Variants in DENND2B observed in about 807,000 individuals in gnomAD.
DENND2B encodes the protein DENN domain containing 2B.
Under a neutral mutation model 116.0 loss-of-function variants are expected in DENND2B, and 32 were observed. The ratio of observed to expected loss-of-function variants is 0.28; its 90% CI spans 0.21 to 0.37. The LOEUF is 0.37. DENND2B is among the 10% of genes least tolerant of loss of function. DENND2B has a pLI of 1.00. For synonymous variants in DENND2B, 588 were observed against 583.9 expected (o/e 1.01, Z -0.10); for missense variants, 1,276 against 1,477.7 (o/e 0.86, Z 2.24).
In DENND2B at chr11:8,711,185, T is replaced by C. The variant is rs771296138; in HGVS notation, c.2219A>G (p.Lys740Arg). Residue 740 changes from lysine to arginine, a missense_variant, in exon 10 of 20, where the codon AAA becomes AGA. Physicochemically the swap from Lys to Arg is conservative, Grantham distance 26. Coordinates refer to ENST00000313726, the MANE Select transcript of DENND2B (RefSeq NM_213618.2). ...AGGGAAGCAAAACTGGGGAATGGCT[T>C]TGAGCCTTTCCTCTGCCTCTCGCAT... Reference protein sequence around the residue: ...KQMREAEERLKAIPQFCFPDA... With the variant: ...KQMREAEERLRAIPQFCFPDA... The C allele has an allele frequency of 6.2e-7, 1 of 1,614,108 alleles. No individual in the cohort carries two copies. The highest frequency in any genetic ancestry group is 8.5e-7 in the Non-Finnish European group (1 of 1,180,020).
At chr11:8,792,797 G>A (rs1253480146) in intron 1 of DENND2B, among the ~76,000 whole-genome samples, 1 of 152,232 alleles carries the variant, frequency 6.6e-6, no homozygotes, top group African/African-American at 2.4e-5. Flanking sequence ...GGGCGCAGTG[G>A]AAAGAGGCAC....
At position 8,695,490 on chromosome 11, in the gene DENND2B, C is replaced by T. The variant is rs1197397554; in HGVS notation, c.3352G>A (p.Gly1118Arg). 1.9e-6 allele frequency: 3 copies of T among 1,613,958 alleles called. No individual in the cohort carries two copies. Among genetic ancestry groups the T allele is most frequent in the Admixed American group, 1.7e-5 (1 of 60,016 alleles). ...LEELPDTEQS[G>R]MNKFLRGLGN... is the part of the protein sequence containing the mutation. Reference sequence around the variant, plus strand: ...AAACCTCGGAGAAACTTATTCATTCCACTCTGCTCAGTGTCTGGGAGTTCT... The same window carrying T: ...AAACCTCGGAGAAACTTATTCATTCTACTCTGCTCAGTGTCTGGGAGTTCT... The change falls in exon 19 of 20, where the codon GGA becomes AGA. Residue 1118 changes from glycine (G) to arginine (R), a missense_variant. Transcript: ENST00000313726.
chr11:8,847,523 G>A (rs2062856802), intron 3 of DENND2B, among the ~76,000 whole-genome samples: 2 of 152,060 alleles, frequency 1.3e-5, no homozygotes, highest in Admixed American at 1.3e-4. Flanking sequence ...AAACAGAGAA[G>A]AATGAATATA....
intron 2 of DENND2B, among the ~76,000 whole-genome samples, chr11:8,862,043 G>C (rs570460135): frequency 6.6e-6 from 1 of 152,026 alleles, no homozygotes; most frequent in South Asian, 2.1e-4. Flanking sequence ...GAGGAAGGGA[G>C]GGAGGGAGGG....
At chr11:8,701,753 TCTTA>T (rs2041732084) in intron 14 of DENND2B, among the ~76,000 whole-genome samples, 1 of 152,110 alleles carries the variant, frequency 6.6e-6, no homozygotes, top group South Asian at 2.1e-4. Flanking sequence ...AGCTCCGACT[TCTTA>T]CTTCCTAAAC....
intron 1 of DENND2B, among the ~76,000 whole-genome samples, chr11:8,766,288 G>C (rs2055767921): frequency 1.3e-5 from 2 of 152,052 alleles, no homozygotes; most frequent in South Asian, 4.1e-4. Flanking sequence ...GTGGCTGGTA[G>C]AATAACCCCT....
intron 1 of DENND2B, among the ~76,000 whole-genome samples, chr11:8,788,016 C>G (rs1565949941): frequency 6.6e-6 from 1 of 152,058 alleles, no homozygotes; most frequent in South Asian, 2.1e-4. Context: ...AGGGGTCACT[C>G]TACCTTTAGT....
intron 4 of DENND2B, chr11:8,718,190 C>T: frequency 1.4e-6 from 1 of 705,260 alleles, no homozygotes; most frequent in Non-Finnish European, 2.5e-6. Flanking sequence ...GCTCAGCCAC[C>T]CCTGCCTGTG....
chr11:8,847,308 C>A (rs975181075), intron 3 of DENND2B, among the ~76,000 whole-genome samples: 3 of 152,192 alleles, frequency 2.0e-5, no homozygotes, highest in Non-Finnish European at 2.9e-5. Flanking sequence ...TTCCCTTATA[C>A]AAAGTCACTT....
upstream of DENND2B, among the ~76,000 whole-genome samples, chr11:8,815,571 G>A (rs1468545921): frequency 6.6e-6 from 1 of 152,084 alleles, no homozygotes; most frequent in African/African-American, 2.4e-5. Flanking sequence ...TTATCTGAAT[G>A]CCTCTCCTTC....
At chr11:8,885,097 T>C (rs763882807) in intron 1 of DENND2B, among the ~76,000 whole-genome samples, 22 of 152,246 alleles carry the variant, frequency 1.4e-4, no homozygotes, top group African/African-American at 2.7e-4. Context: ...TTGCTTGCCA[T>C]GATCCTTGCC....
Position 8,836,754 on chromosome 11 carries a change from AC to A in DENND2B, c.-115+2555del, listed in dbSNP as rs556461034. On this transcript the variant is annotated intron_variant, in intron 4 of 6. Coordinates refer to the DENND2B transcript ENST00000524757. ...TTTTGAGACAGGGTCTCACTCTGTC[AC>A]CCAGGCTGGAGTGCAGTGGCACGAT... Among the ~76,000 whole-genome samples, 26 of 149,114 alleles carry A rather than the reference AC, an allele frequency of 1.7e-4. No homozygotes were observed. In the East Asian group the frequency reaches 5.2e-3, roughly 30 times the overall value.
rs545724870 is a variant in DENND2B at position 8,858,395 on chromosome 11, G to C, written c.-249-959C>G. On this transcript the variant is annotated intron_variant, in intron 2 of 6. Coordinates refer to the DENND2B transcript ENST00000524757. ...AAAAGAAAGGAGGGGATTAAAGAGT[G>C]ACTCGGAGCAGTTTTACATAGGATG... Among the ~76,000 whole-genome samples the C allele has an allele frequency of 6.6e-5, 10 of 152,188 alleles. No individual in the cohort carries two copies. In the East Asian group the frequency reaches 9.7e-4, roughly 15 times the overall value.
chr11:8,695,950 T>TG (rs3838803), intron 18 of DENND2B: 30,737 of 247,058 alleles, frequency 0.12, 2,663 homozygotes, highest in African/African-American at 0.27. Flanking sequence ...AGAAAAATTG[T>TG]GATGAGATGA....
intron 1 of DENND2B, chr11:8,776,401 G>A (rs773181233): frequency 2.4e-5 from 9 of 382,516 alleles, no homozygotes; most frequent in Non-Finnish European, 4.6e-5. Flanking sequence ...CCAAGCACCT[G>A]CCTTGTGCAA....
chr11:8,832,680 T>TC (rs2062263742), intron 4 of DENND2B: 1 of 152,458 alleles, frequency 6.6e-6, no homozygotes, highest in Admixed American at 6.5e-5. Flanking sequence ...GCAGATAGTT[T>TC]CCCAGAAGTG....
intron 1 of DENND2B, among the ~76,000 whole-genome samples, chr11:8,886,079 T>G (rs541756482): frequency 6.6e-6 from 1 of 152,122 alleles, no homozygotes; most frequent in Non-Finnish European, 1.5e-5. Flanking sequence ...TAGCTAAGAC[T>G]ACAGGTCCAC....
intron 11 of DENND2B, chr11:8,708,496 T>A: frequency 3.4e-6 from 1 of 293,974 alleles, no homozygotes; most frequent in Non-Finnish European, 5.1e-6. Context: ...AGCCATTGCC[T>A]AAGGCCACCT....
intron 3 of DENND2B, among the ~76,000 whole-genome samples, chr11:8,848,204 CT>C (rs2062877692): frequency 6.6e-6 from 1 of 152,182 alleles, no homozygotes; most frequent in Non-Finnish European, 1.5e-5. Context: ...TGAGTAGACT[CT>C]TTGAGCAAGT....
Sources: allele counts gnomAD v4.1 joint callset (sites outside exome capture counted in the v4.1 genomes callset), GRCh38; gene constraint gnomAD v4.1.1; transcripts MANE v1.5; gene names NCBI Gene and HGNC (gene_info 2026-07-23, HGNC 2026-07-21).